OC90: variants seen among roughly 807,000 people sequenced by gnomAD.
The protein encoded by OC90 is otoconin 90.
OC90 carries 46 observed loss-of-function variants against 47.3 expected under a neutral mutation model. That is an observed-to-expected ratio of 0.97 (90% CI 0.77 to 1.24). The LOEUF is 1.24. Ranked by LOEUF, OC90 falls within the 50% of genes most tolerant of loss-of-function variation. The pLI is 0.00. For synonymous variants in OC90, 271 were observed against 219.5 expected (o/e 1.23, Z -2.07); for missense variants, 688 against 583.9 (o/e 1.18, Z -1.84).
intron 6 of OC90, among the ~76,000 whole-genome samples, chr8:132,040,042 T>C (rs1823030218): frequency 6.6e-6 from 1 of 152,244 alleles, no homozygotes; most frequent in Non-Finnish European, 1.5e-5. Context: ...CAGAAGATTG[T>C]CTTGCATTGG....
chr8:132,050,797 T>G (rs1823202105), intron 2 of OC90, among the ~76,000 whole-genome samples: 1 of 151,990 alleles, frequency 6.6e-6, no homozygotes, highest in Admixed American at 6.6e-5. Context: ...GGTTGGGAGT[T>G]CAAGACCAGC....
chr8:132,028,579 G>A (rs745649079), intron 13 of OC90, among the ~76,000 whole-genome samples: 288 of 14,462 alleles, frequency 0.02, 2 homozygotes, highest in Middle Eastern at 0.088. Flanking sequence ...AGGAAGGAAG[G>A]AAGGAAGGAA....
At position 132,024,497 on chromosome 8, in the gene OC90, G is replaced by C. The variant is rs1274205784; in HGVS notation, c.1418C>G (p.Pro473Arg). 12 of 1,560,710 alleles carry C rather than the reference G, an allele frequency of 7.7e-6. No homozygotes were observed. Among genetic ancestry groups the C allele is most frequent in the Non-Finnish European group, 1.0e-5 (12 of 1,151,964 alleles). ...TCTGGGCATCTATCTTCCATGAAGA[G>C]GCCCGATCCCCAAGGGACCCAGTGA... ...RKSLGPLGIG[P>R]LHGR The change falls in exon 14 of 14, where the codon CCT becomes CGT. Residue 473 changes from proline (P) to arginine (R), a missense_variant. Pro to Arg is a moderately radical substitution (Grantham distance 103, BLOSUM62 -2). Transcript: ENST00000254627.
At chr8:132,045,097 C>T (rs1823113105) in intron 3 of OC90, among the ~76,000 whole-genome samples, 1 of 152,230 alleles carries the variant, frequency 6.6e-6, no homozygotes, top group Non-Finnish European at 1.5e-5. Context: ...CAAGTGTGGC[C>T]TGTGAGTCTT....
intron 4 of OC90, 67 bp from the exon 5 acceptor site, chr8:132,041,766 C>A: frequency 1.1e-6 from 1 of 909,956 alleles, no homozygotes; most frequent in Admixed American, 2.3e-5. Flanking sequence ...TCCCTGTCCC[C>A]TGGACTTCCT....
At chr8:132,044,956 C>T (rs1476014036) in intron 3 of OC90, among the ~76,000 whole-genome samples, 1 of 152,176 alleles carries the variant, frequency 6.6e-6, no homozygotes, top group East Asian at 1.9e-4. Context: ...TCTCTTGTAC[C>T]TGAGTTGTTT....
chr8:132,041,165 A>C lies in OC90; in HGVS notation c.345-9T>G, dbSNP rs377309349. ...GGTGCTGGAAGCAGCAGCTGTAGGA[A>C]GGCCGGGAGGAGGCAGGGTGAGAGT... On this transcript the variant is annotated splice_polypyrimidine_tract_variant and intron_variant, in intron 5 of 13. Transcript: ENST00000254627. The C allele has an allele frequency of 7.3e-5, 116 of 1,580,638 alleles. No homozygotes were observed. The African/African-American group carries it at 1.5e-3, about 20-fold the overall frequency.
intron 2 of OC90, among the ~76,000 whole-genome samples, chr8:132,053,346 A>G (rs894505416): frequency 1.3e-5 from 2 of 152,208 alleles, no homozygotes; most frequent in Non-Finnish European, 2.9e-5. Flanking sequence ...ATATGTATAT[A>G]CTTACATTAT....
At chr8:132,048,629 G>C (rs958850896) in intron 2 of OC90, among the ~76,000 whole-genome samples, 1 of 151,436 alleles carries the variant, frequency 6.6e-6, no homozygotes, top group Non-Finnish European at 1.5e-5. Flanking sequence ...TTCTATCAGC[G>C]TCAATAACTA....
chr8:132,034,786 G>C lies in OC90; in HGVS notation c.728C>G (p.Pro243Arg). Residue 243 changes from proline (P) to arginine (R), a missense_variant, in exon 10 of 14, where the codon CCT (proline) becomes CGT (arginine). Physicochemically the swap from Pro to Arg is moderately radical, Grantham distance 103 (BLOSUM62 -2). Coordinates refer to ENST00000254627, the MANE Select transcript of OC90 (RefSeq NM_001080399.3). Reference sequence around the variant, plus strand: ...GTGGAGCCCAGTAGGCTTACCTGGAGGGGACGTAGCCCTAGCAGCTCCCAC... The same window carrying C: ...GTGGAGCCCAGTAGGCTTACCTGGACGGGACGTAGCCCTAGCAGCTCCCAC... ...EGVGAARATS[P>R]PGSAEIVATR... The C allele has an allele frequency of 6.2e-7, 1 of 1,610,624 alleles. No individual in the cohort carries two copies. Among genetic ancestry groups the C allele is most frequent in the Admixed American group, 1.7e-5 (1 of 59,876 alleles).
chr8:132,024,570 C>A lies in OC90; in HGVS notation c.1345G>T (p.Asp449Tyr), dbSNP rs1446135875. Residue 449 changes from aspartate to tyrosine, a missense_variant, in exon 14 of 14, where the codon GAC (aspartate) becomes TAC (tyrosine). Coordinates refer to ENST00000254627, the MANE Select transcript of OC90 (RefSeq NM_001080399.3). Reference protein sequence around the residue: ...GSSSEEDSEEDPPQEDLGRAK... With the variant: ...GSSSEEDSEEYPPQEDLGRAK... ...CTGCCGAGGTCCTCCTGTGGAGGGT[C>A]CTCCTCGCTGTCCTCCTCAGAGCTG... The A allele has an allele frequency of 1.1e-5, 18 of 1,613,004 alleles. No individual in the cohort carries two copies. The Admixed American group carries it at 2.8e-4, about 25-fold the overall frequency.
At chr8:132,034,912 C>A (rs1346211733) in intron 9 of OC90, 78 bp from the exon 10 acceptor site, 2 of 994,444 alleles carry the variant, frequency 2.0e-6, no homozygotes, top group Admixed American at 3.6e-5. Flanking sequence ...CTCTTCCCAC[C>A]CACTGCACAC....
Position 132,034,810 on chromosome 8 carries a change from A to G in OC90, c.704T>C (p.Val235Ala). The G allele has an allele frequency of 2.5e-6, 4 of 1,611,614 alleles. No homozygotes were observed. Among genetic ancestry groups the G allele is most frequent in the Non-Finnish European group, 3.4e-6 (4 of 1,178,106 alleles). ...GEEAGHDQEG[V>A]GAARATSPPG... ...AGGGGACGTAGCCCTAGCAGCTCCC[A>G]CTCCTTCCTGATCGTGGCCTGCTTC... is the stretch of plus-strand genomic sequence containing the variant. Residue 235 changes from valine to alanine, a missense_variant, in exon 10 of 14, where the codon GTG becomes GCG. Physicochemically the swap from Val to Ala is moderately conservative, Grantham distance 64. Coordinates refer to ENST00000254627, the MANE Select transcript of OC90 (RefSeq NM_001080399.3).
chr8:132,036,655 G>A (rs1037389771), intron 9 of OC90, among the ~76,000 whole-genome samples: 5 of 152,230 alleles, frequency 3.3e-5, no homozygotes, highest in African/African-American at 1.2e-4. Context: ...AGGGGTGAAG[G>A]GCCATTATTT....
At chr8:132,034,324 T>C (rs1021659973) in intron 10 of OC90, among the ~76,000 whole-genome samples, 1 of 152,236 alleles carries the variant, frequency 6.6e-6, no homozygotes, top group African/African-American at 2.4e-5. Flanking sequence ...GAATAATCCT[T>C]CTAGCTAAAT....
Position 132,033,124 on chromosome 8 carries a change from A to C in OC90, c.774T>G (p.Ile258Met), listed in dbSNP as rs530740453. The change falls in exon 11 of 14, where the codon ATT becomes ATG. Residue 258 changes from isoleucine (I) to methionine (M), a missense_variant. By Grantham distance (10) the Ile-to-Met change is conservative (BLOSUM62 1). Coordinates refer to ENST00000254627, the MANE Select transcript of OC90 (RefSeq NM_001080399.3). ...EIVATRVTAK[I>M]VTLVPAGIKS... ...TAATGCCAGCAGGGACAAGGGTTAC[A>C]ATTTTAGCTGTAACCCTTGTTGCAA... 6.2e-7 allele frequency: 1 copy of C among 1,608,278 alleles called. No homozygotes were observed. Among genetic ancestry groups the C allele is most frequent in the East Asian group, 2.2e-5 (1 of 44,796 alleles).
At chr8:132,033,257 A>G in intron 10 of OC90, 93 bp from the exon 11 acceptor site, 1 of 1,265,190 alleles carries the variant, frequency 7.9e-7, no homozygotes, top group Non-Finnish European at 1.1e-6. Flanking sequence ...AAACAGATAG[A>G]ACAACATAGT....
chr8:132,054,983 G>A lies in OC90; in HGVS notation c.44C>T (p.Ala15Val). 1 of 1,548,388 alleles carries A rather than the reference G, an allele frequency of 6.5e-7. No individual in the cohort carries two copies. Among genetic ancestry groups the A allele is most frequent in the Non-Finnish European group, 8.7e-7 (1 of 1,145,198 alleles). Residue 15 changes from alanine (A) to valine (V), a missense_variant and splice_region_variant, in exon 2 of 14, where the codon GCC becomes GTC. Coordinates refer to ENST00000254627, the MANE Select transcript of OC90 (RefSeq NM_001080399.3). The stretch of plus-strand genomic sequence containing the variant: ...TGGTGTAAGATATCATTACTCACCG[G>A]CATGGGGGATCATCAGCACACTGGT... ...LLTSVLMIPH[A>V]GGHPLDTPHL...
intron 2 of OC90, among the ~76,000 whole-genome samples, chr8:132,049,317 T>G (rs1218605516): frequency 2.0e-5 from 3 of 146,926 alleles, no homozygotes; most frequent in Non-Finnish European, 4.4e-5. Context: ...AGCTTCTTAA[T>G]GAGTAATCAA....
Sources: allele counts gnomAD v4.1 joint callset (sites outside exome capture counted in the v4.1 genomes callset), GRCh38; gene constraint gnomAD v4.1.1; transcripts MANE v1.5; gene names NCBI Gene and HGNC (gene_info 2026-07-23, HGNC 2026-07-21).